KIAA1614: variants seen among roughly 807,000 people sequenced by gnomAD.
KIAA1614 encodes uncharacterized protein KIAA1614.
In KIAA1614, 76 loss-of-function variants were observed where a neutral mutation model predicts 88.7. The observed-to-expected ratio is 0.86, with a 90% CI of 0.71 to 1.04. KIAA1614 has a LOEUF of 1.04. Ranked by LOEUF, KIAA1614 falls within the 50% of genes least tolerant of loss-of-function variation. The probability of loss-of-function intolerance (pLI) is 0.00; values close to 1 mark genes in which losing one functional copy is unlikely to be tolerated. For synonymous variants in KIAA1614, 714 were observed against 675.5 expected, an observed-to-expected ratio of 1.06 and a Z score of -0.88; for missense variants, 1,553 against 1,582.5, an observed-to-expected ratio of 0.98 and a Z score of 0.32.
Position 180,916,602 on chromosome 1 carries a change from C to T in KIAA1614, c.499C>T (p.Pro167Ser). The T allele has an allele frequency of 6.2e-7, 1 of 1,602,794 alleles. No individual in the cohort carries two copies. Among genetic ancestry groups the T allele is most frequent in the Non-Finnish European group, 8.5e-7 (1 of 1,173,730 alleles). The change falls in exon 2 of 9, where the codon CCC becomes TCC. Residue 167 changes from proline to serine, a missense_variant. Physicochemically the swap from Pro to Ser is moderately conservative, Grantham distance 74 (BLOSUM62 -1). Transcript: ENST00000367588. ...NEEQPARDGG[P>S]RLPRPPAPGR... ...GGAGCAACCCGCCAGGGATGGAGGC[C>T]CCAGGCTTCCCAGGCCGCCTGCCCC...
At chr1:180,914,168 C>G (rs1653724885) in intron 1 of KIAA1614, 1 of 149,520 alleles carries the variant, frequency 6.7e-6, no homozygotes, top group Non-Finnish European at 1.5e-5. Context: ...GGGGGGGGGA[C>G]ATCTAGATGT....
In KIAA1614 at chr1:180,941,058, G is replaced by C; in HGVS notation, c.2932G>C (p.Ala978Pro). 4 of 1,516,090 alleles carry C rather than the reference G, an allele frequency of 2.6e-6. No homozygotes were observed. The highest frequency in any genetic ancestry group is 3.6e-6 in the Non-Finnish European group (4 of 1,120,950). The allele number at this position is 1,516,090 out of a possible 1,614,324, so 93.9% of individuals were successfully genotyped here. ...CTTGTGTTTCAGAGCATCAGCAGGA[G>C]CTGGCACAGGACCCGGCTCCCCCTC... Reference protein sequence around the residue: ...GHVLSRASAGAGTGPGSPSAA... With the variant: ...GHVLSRASAGPGTGPGSPSAA... The change falls in exon 7 of 9, where the codon GCT becomes CCT. Residue 978 changes from alanine (A) to proline (P), a missense_variant. By Grantham distance (27) the Ala-to-Pro change is conservative (BLOSUM62 -1). Transcript: ENST00000367588.
At position 180,916,102 on chromosome 1, in the gene KIAA1614, G is replaced by C. The variant is rs541265320; in HGVS notation, c.51-52G>C. On this transcript the variant is annotated intron_variant, in intron 1 of 8. Transcript: ENST00000367588. ...ACACTTTGGGGCCCCGGGAGGTTGT[G>C]GGGGTTAGTCCTGTGCTGGGTCTTA... 7.7e-6 allele frequency: 11 copies of C among 1,425,140 alleles called. No homozygotes were observed. In the East Asian group the frequency reaches 2.3e-4, roughly 30 times the overall value. The allele number at this position is 1,425,140 out of a possible 1,614,324, so 88.3% of individuals were successfully genotyped here.
rs926895676 is a variant in KIAA1614, at chr1:180,916,340, C to T, written c.237C>T (p.Gly79=). 9.3e-6 allele frequency: 15 copies of T among 1,613,996 alleles called. No individual in the cohort carries two copies. The highest frequency in any genetic ancestry group is 1.7e-5 in the Admixed American group (1 of 60,004). ...GGGTATGGGGAGTACAGCTCCAGGG[C>T]CCCTCTGTGCTGGAATCCAAGGTGA... is the stretch of plus-strand genomic sequence containing the variant. ...PPRVWGVQLQ[G]PSVLESKVRA... The change falls in exon 2 of 9, where the codon GGC becomes GGT. Residue 79 remains glycine (G), a synonymous_variant. Transcript: ENST00000367588.
chr1:180,950,306 T>TG lies in KIAA1614; in HGVS notation c.*4719dup. On this transcript the variant is annotated 3_prime_UTR_variant, in exon 9 of 9. Transcript: ENST00000367588. Reference sequence around the variant, plus strand: ...CAGAGATGCACTTCTTCGATTTGGGTGTCATTGTGAAATTCTCCTGTTTTC... The same window carrying TG: ...CAGAGATGCACTTCTTCGATTTGGGTGGTCATTGTGAAATTCTCCTGTTTTC... 1 of 1,145,512 alleles carries TG rather than the reference T, an allele frequency of 8.7e-7. No individual in the cohort carries two copies. The highest frequency in any genetic ancestry group is 1.1e-6 in the Non-Finnish European group (1 of 914,182). 71.0% of individuals were successfully genotyped at this position (1,145,512 alleles called of 1,614,324 possible). A position where few individuals can be genotyped will look rare whatever the true frequency, so the allele number is the denominator to read the frequency against.
At chr1:180,918,325 C>CAAACGG (rs1653867262) in intron 3 of KIAA1614, among the ~76,000 whole-genome samples, 1 of 152,184 alleles carries the variant, frequency 6.6e-6, no homozygotes, top group Admixed American at 6.5e-5. Context: ...AGCCTTACCC[C>CAAACGG]AATTCCGTTC....
intron 3 of KIAA1614, 70 bp downstream of exon 3, chr1:180,917,984 G>A: frequency 2.2e-6 from 3 of 1,365,094 alleles, no homozygotes; most frequent in Non-Finnish European, 2.1e-6. Context: ...CTCAGCATCA[G>A]GACAGTAAGA....
In KIAA1614 at chr1:180,935,181, C is replaced by A. The variant is rs776601329; in HGVS notation, c.1272C>A (p.Asn424Lys). The A allele has an allele frequency of 6.8e-7, 1 of 1,476,670 alleles. No individual in the cohort carries two copies. The highest frequency in any genetic ancestry group is 9.0e-7 in the Non-Finnish European group (1 of 1,114,360). 91.5% of individuals were successfully genotyped at this position (1,476,670 alleles called of 1,614,324 possible). The change falls in exon 5 of 9, where the codon AAC becomes AAA. Residue 424 changes from asparagine (N) to lysine (K), a missense_variant. By Grantham distance (94) the Asn-to-Lys change is moderately conservative (BLOSUM62 0). Transcript: ENST00000367588. This position sits in a 1 kb window ranked among gnomAD's most constrained non-coding sequence, Gnocchi z 6.1. ...TTPACRDSLQ[N>K]GHTSDSSSGE... ...CTGCCTGCAGAGACAGCCTCCAGAACGGGCACACGAGCGATTCCTCCAGCG... is the reference window on the plus strand; with the variant it reads ...CTGCCTGCAGAGACAGCCTCCAGAAAGGGCACACGAGCGATTCCTCCAGCG...
chr1:180,939,371 T>C (rs959350646), intron 6 of KIAA1614, among the ~76,000 whole-genome samples: 1 of 152,210 alleles, frequency 6.6e-6, no homozygotes, highest in African/African-American at 2.4e-5. Context: ...TCAGGGGGTC[T>C]GATGGGCCTC....
intron 2 of KIAA1614, 49 bp from the exon 3 acceptor site, chr1:180,917,802 G>T (rs748283510): frequency 1.3e-6 from 2 of 1,485,510 alleles, no homozygotes; most frequent in Non-Finnish European, 1.9e-6. Context: ...GCAGCTGAGA[G>T]CCCTGTTTCT....
rs1329176926 is a variant in KIAA1614 at position 180,949,010 on chromosome 1, G to A, written c.*3422G>A. 2 of 152,296 alleles carry A rather than the reference G, an allele frequency of 1.3e-5. No individual in the cohort carries two copies. 9.4% of individuals were successfully genotyped at this position (152,296 alleles called of 1,614,324 possible). ...GGCTGGGCTGCCCAAAGCTCCTACG[G>A]GGCTGGGGGATCCGAGAGAGGACTT... On this transcript the variant is annotated 3_prime_UTR_variant, in exon 9 of 9. Transcript: ENST00000367588.
rs1427140051 is a variant in KIAA1614, at chr1:180,945,761, G to A, written c.*173G>A. 3.7e-6 allele frequency: 5 copies of A among 1,364,632 alleles called. No homozygotes were observed. Among genetic ancestry groups the A allele is most frequent in the Non-Finnish European group, 4.7e-6 (5 of 1,069,266 alleles). 84.5% of individuals were successfully genotyped at this position (1,364,632 alleles called of 1,614,324 possible). The stretch of plus-strand genomic sequence containing the variant: ...TGGGGAGTGTGCGGGAGGGGGTAGA[G>A]TTGGCAGGTTTGACTCCACTGTCCC... On this transcript the variant is annotated 3_prime_UTR_variant, in exon 9 of 9. Transcript: ENST00000367588.
At chr1:180,926,913 C>T (rs1371698040) in intron 3 of KIAA1614, among the ~76,000 whole-genome samples, 1 of 152,214 alleles carries the variant, frequency 6.6e-6, no homozygotes, top group African/African-American at 2.4e-5. Flanking sequence ...CCAGTAAAGC[C>T]CTCCTTGTTC....
In KIAA1614 at chr1:180,945,818, G is replaced by T. The variant is rs1571304177; in HGVS notation, c.*230G>T. ...GTCTGATGACATCTTGAAATTAGAA[G>T]CTTAGGCCGGGCGCAGTGGCTCATG... On this transcript the variant is annotated 3_prime_UTR_variant, in exon 9 of 9. Coordinates refer to ENST00000367588, the MANE Select transcript of KIAA1614 (RefSeq NM_020950.2). The T allele has an allele frequency of 7.6e-7, 1 of 1,319,996 alleles. No homozygotes were observed. Among genetic ancestry groups the T allele is most frequent in the Non-Finnish European group, 9.6e-7 (1 of 1,042,708 alleles). The allele number at this position is 1,319,996 out of a possible 1,614,324, so 81.8% of individuals were successfully genotyped here.
intron 4 of KIAA1614, among the ~76,000 whole-genome samples, chr1:180,934,014 G>T (rs1027372829): frequency 1.3e-5 from 2 of 152,246 alleles, no homozygotes; most frequent in Non-Finnish European, 2.9e-5. Context: ...CAGCACTTTG[G>T]GAGGTCGAGG....
At chr1:180,934,259 AAAAAAAAAAAAG>A (rs1358310754) in intron 4 of KIAA1614, among the ~76,000 whole-genome samples, 1 of 146,922 alleles carries the variant, frequency 6.8e-6, no homozygotes, top group Non-Finnish European at 1.5e-5. Flanking sequence ...TCTCAAAAAA[AAAAAAAAAAAAG>A]AAAAGAAAAG....
intron 5 of KIAA1614, 73 bp from the exon 6 acceptor site, chr1:180,938,482 G>T: frequency 6.6e-7 from 1 of 1,521,044 alleles, no homozygotes; most frequent in Non-Finnish European, 9.0e-7. Context: ...CTGTTGCTGG[G>T]AATGTCCCAT....
intron 6 of KIAA1614, 40 bp from the exon 7 acceptor site, chr1:180,941,005 G>GGGGGC: frequency 1.1e-5 from 1 of 87,410 alleles, no homozygotes; most frequent in Non-Finnish European, 1.9e-5. Context: ...CCACCCTCCC[G>GGGGGC]GCCCTCCCCC....
At chr1:180,936,779 CTCAATA>C in intron 5 of KIAA1614, 109 bp downstream of exon 5, 1 of 713,768 alleles carries the variant, frequency 1.4e-6, no homozygotes, top group Admixed American at 3.3e-5. Context: ...TCCCTTTTAT[CTCAATA>C]GTCAGATGGC....
Sources: gnomAD v4.1 joint callset for allele counts (sites outside exome capture counted in the v4.1 genomes callset) on GRCh38, gnomAD v4.1.1 for gene constraint, Gnocchi (gnomAD v3.1) non-coding constraint, MANE v1.5 for transcripts, NCBI Gene and HGNC (gene_info 2026-07-23, HGNC 2026-07-21) for gene names.